ZPBP: variants seen among roughly 807,000 people sequenced by gnomAD.
The protein encoded by ZPBP is zona pellucida-binding protein 1.
Under a neutral mutation model 44.8 loss-of-function variants are expected in ZPBP, and 26 were observed. The observed-to-expected ratio is 0.58, with a 90% CI of 0.43 to 0.81. The LOEUF (loss-of-function observed/expected upper bound fraction) is 0.81, where lower values mean the gene tolerates loss of function less well. Among genes scored for constraint, ZPBP ranks in the 30% least tolerant of loss-of-function variants. The pLI is 0.00. For missense variants in ZPBP, 409 were observed against 434.0 expected, an observed-to-expected ratio of 0.94 and a Z score of 0.51; for synonymous variants, 174 against 153.2, an observed-to-expected ratio of 1.14 and a Z score of -1.00.
the ZPBP span, among the ~76,000 whole-genome samples, chr7:49,844,342 A>G: frequency 6.6e-6 from 1 of 152,208 alleles, no homozygotes; most frequent in African/African-American, 2.4e-5. Flanking sequence ...TTAAGTTACT[A>G]AACTTTCCAT....
intron 2 of ZPBP, among the ~76,000 whole-genome samples, chr7:49,853,935 A>G (rs1228578450): frequency 7.0e-6 from 1 of 143,036 alleles, no homozygotes; most frequent in Non-Finnish European, 1.5e-5. Flanking sequence ...TCATTGTTCA[A>G]TTCCCACCTA....
Position 50,041,803 on chromosome 7 carries a change from C to A in ZPBP, c.488-10493G>T, listed in dbSNP as rs1800109204. 2.0e-5 allele frequency among the ~76,000 whole-genome samples: 3 copies of A among 152,060 alleles called. 1 individual carries two copies. The South Asian group carries it at 6.2e-4, about 32-fold the overall frequency. On this transcript the variant is annotated intron_variant, in intron 4 of 7. Transcript: ENST00000046087. Reference sequence around the variant, plus strand: ...TTACAACTCCTCACCAGCAAGGGAACAAAACTGGACAGAGAATGAGTTTGA... The same window carrying A: ...TTACAACTCCTCACCAGCAAGGGAAAAAAACTGGACAGAGAATGAGTTTGA...
At chr7:50,021,168 T>C (rs924869600) in intron 5 of ZPBP, among the ~76,000 whole-genome samples, 2 of 151,988 alleles carry the variant, frequency 1.3e-5, no homozygotes, top group Non-Finnish European at 2.9e-5. Context: ...CAAAATATAA[T>C]AGAAACTGTC....
At chr7:49,968,677 G>C (rs948901683) in intron 7 of ZPBP, among the ~76,000 whole-genome samples, 1 of 151,894 alleles carries the variant, frequency 6.6e-6, no homozygotes, top group African/African-American at 2.4e-5. Flanking sequence ...TCCATTTATA[G>C]ATATATATTC....
At chr7:49,938,185 C>T (rs1489097404) in intron 7 of ZPBP, among the ~76,000 whole-genome samples, 1 of 152,180 alleles carries the variant, frequency 6.6e-6, no homozygotes, top group Non-Finnish European at 1.5e-5. Context: ...CAGGAAGAAC[C>T]AAATGTGCTT....
chr7:49,895,734 T>C (rs1477358734), intron 2 of ZPBP, among the ~76,000 whole-genome samples: 2 of 151,714 alleles, frequency 1.3e-5, no homozygotes, highest in African/African-American at 4.9e-5. Flanking sequence ...TCTGCCTGCA[T>C]ATTTCTTGTA....
At chr7:49,965,417 CAAAA>C (rs1796020665) in intron 7 of ZPBP, among the ~76,000 whole-genome samples, 1 of 151,950 alleles carries the variant, frequency 6.6e-6, no homozygotes, top group Non-Finnish European at 1.5e-5. Context: ...ATCCACCAAA[CAAAA>C]TAATTCAACA....
intron 2 of ZPBP, among the ~76,000 whole-genome samples, chr7:49,866,242 G>A (rs115758328): frequency 0.014 from 2,126 of 152,282 alleles, 35 homozygotes; most frequent in African/African-American, 0.048. Context: ...TGTGTTCACT[G>A]GGTATGCTTT....
chr7:49,973,778 C>G (rs1156569896), intron 7 of ZPBP, among the ~76,000 whole-genome samples: 1 of 152,012 alleles, frequency 6.6e-6, no homozygotes. Flanking sequence ...AGTTTGACCT[C>G]TCATAGAATG....
chr7:49,985,990 C>T (rs376492618), intron 6 of ZPBP, among the ~76,000 whole-genome samples: 10 of 152,042 alleles, frequency 6.6e-5, no homozygotes, highest in African/African-American at 1.7e-4. Flanking sequence ...TCACTGAGAG[C>T]GTTCTTTAAT....
chr7:49,948,294 G>A (rs1795189498), intron 7 of ZPBP, among the ~76,000 whole-genome samples: 1 of 152,090 alleles, frequency 6.6e-6, no homozygotes, highest in African/African-American at 2.4e-5. Flanking sequence ...TCACTGGAGG[G>A]TTCTATTTGG....
intron 2 of ZPBP, among the ~76,000 whole-genome samples, chr7:49,897,179 G>C (rs895863933): frequency 1.2e-4 from 18 of 152,128 alleles, no homozygotes; most frequent in African/African-American, 4.1e-4. Context: ...ACAGGCGTGA[G>C]CCACCGCGCC....
At chr7:49,888,810 C>G (rs932847324) in intron 2 of ZPBP, among the ~76,000 whole-genome samples, 24 of 152,074 alleles carry the variant, frequency 1.6e-4, no homozygotes, top group Admixed American at 3.9e-4. Flanking sequence ...ACTTTGGGGG[C>G]CGAGGCAGGA....
intron 2 of ZPBP, among the ~76,000 whole-genome samples, chr7:49,862,079 T>A (rs916300814): frequency 1.1e-4 from 17 of 152,216 alleles, no homozygotes; most frequent in African/African-American, 4.1e-4. Flanking sequence ...AGTACTGCCA[T>A]CCTGACAATA....
intron 7 of ZPBP, among the ~76,000 whole-genome samples, chr7:49,939,595 A>T (rs1156397603): frequency 2.6e-5 from 4 of 152,186 alleles, no homozygotes; most frequent in Non-Finnish European, 5.9e-5. Flanking sequence ...TACAAAAAAA[A>T]GTTATGAACT....
intron 5 of ZPBP, among the ~76,000 whole-genome samples, chr7:50,026,608 T>A (rs1799347211): frequency 6.6e-6 from 1 of 151,946 alleles, no homozygotes; most frequent in African/African-American, 2.4e-5. Flanking sequence ...TAGATGCCCC[T>A]TTATCAACTA....
chr7:49,967,109 T>C (rs1233239511), intron 7 of ZPBP, among the ~76,000 whole-genome samples: 1 of 152,098 alleles, frequency 6.6e-6, no homozygotes, highest in Non-Finnish European at 1.5e-5. Flanking sequence ...GATCCAGCCA[T>C]AGTAATACTT....
intron 7 of ZPBP, among the ~76,000 whole-genome samples, chr7:49,948,852 A>G (rs928938899): frequency 6.6e-6 from 1 of 152,186 alleles, no homozygotes; most frequent in African/African-American, 2.4e-5. Flanking sequence ...ATGAATCAGC[A>G]ATCCCATTTC....
intron 1 of ZPBP, chr7:49,912,758 A>G (rs944850969): frequency 6.6e-6 from 1 of 152,494 alleles, no homozygotes; most frequent in Non-Finnish European, 1.5e-5. Context: ...ATAATAATAT[A>G]TGGCTTTTAT....
Sources: allele counts gnomAD v4.1 joint callset (sites outside exome capture counted in the v4.1 genomes callset), GRCh38; gene constraint gnomAD v4.1.1; transcripts MANE v1.5; gene names NCBI Gene and HGNC (gene_info 2026-07-23, HGNC 2026-07-21).